Variants in CCDC149 observed in about 807,000 individuals in gnomAD.
CCDC149 encodes coiled-coil domain containing 149.
CCDC149 carries 45 observed loss-of-function variants against 59.9 expected under a neutral mutation model. The observed-to-expected ratio is 0.75, with a 90% confidence interval of 0.59 to 0.96. CCDC149 has a LOEUF of 0.96. Among genes scored for constraint, CCDC149 ranks in the 40% least tolerant of loss-of-function variants. CCDC149 has a pLI of 0.00. For synonymous variants in CCDC149, 245 were observed against 260.6 expected, an observed-to-expected ratio of 0.94 and a Z score of 0.58; for missense variants, 584 against 664.7, an observed-to-expected ratio of 0.88 and a Z score of 1.33.
rs556639844 is a variant in CCDC149 at position 24,837,957 on chromosome 4, G to A, written c.489+199C>T. 6.4e-4 allele frequency among the ~76,000 whole-genome samples: 97 copies of A among 152,342 alleles called. 1 individual carries two copies. The South Asian group carries it at 0.02, about 31-fold the overall frequency. ...TTCAGAACAATGGTACCCAATAGCA[G>A]GGAGCAGACCTGCCTGCTGGAGGCC... On this transcript the variant is annotated intron_variant, in intron 5 of 12. Transcript: ENST00000635206. The surrounding 1 kb of genome is among the most constrained non-coding windows in gnomAD (Gnocchi z 4.3).
At chr4:24,973,467 G>A (rs1424519142) in intron 1 of CCDC149, among the ~76,000 whole-genome samples, 1 of 152,138 alleles carries the variant, frequency 6.6e-6, no homozygotes, top group Non-Finnish European at 1.5e-5. Context: ...TCAATAAAGT[G>A]CATTTAAAAA....
chr4:24,850,276 C>T (rs1050415056), intron 4 of CCDC149, among the ~76,000 whole-genome samples: 3 of 152,116 alleles, frequency 2.0e-5, no homozygotes, highest in African/African-American at 4.8e-5. Context: ...ACTAAGAATG[C>T]TAATTTATAG....
chr4:24,927,650 G>A (rs1290070099), intron 1 of CCDC149, among the ~76,000 whole-genome samples: 1 of 151,980 alleles, frequency 6.6e-6, no homozygotes, highest in Non-Finnish European at 1.5e-5. Flanking sequence ...AGTTTTCTAG[G>A]AACTACTCGT....
intron 4 of CCDC149, among the ~76,000 whole-genome samples, chr4:24,848,150 A>T: frequency 6.6e-6 from 1 of 152,022 alleles, no homozygotes; most frequent in Non-Finnish European, 1.5e-5. Context: ...AGAGATACAA[A>T]TCCTTCCTTT....
intron 1 of CCDC149, among the ~76,000 whole-genome samples, chr4:24,900,316 C>T (rs555778499): frequency 6.6e-6 from 1 of 152,328 alleles, no homozygotes; most frequent in East Asian, 1.9e-4. Context: ...TCACATCAAC[C>T]AGCCAACCCA....
chr4:24,970,038 C>G (rs187559166), intron 1 of CCDC149, among the ~76,000 whole-genome samples: 1 of 152,170 alleles, frequency 6.6e-6, no homozygotes, highest in Non-Finnish European at 1.5e-5. Context: ...TCAAAGGAAC[C>G]GTGGGGAGCT....
intron 12 of CCDC149, among the ~76,000 whole-genome samples, chr4:24,813,502 A>ATATATATATC (rs1714786065): frequency 8.0e-5 from 3 of 37,314 alleles, no homozygotes; most frequent in African/African-American, 3.2e-4. Context: ...ATATATATAT[A>ATATATATATC]TATATATATA....
chr4:24,820,455 T>C (rs1253841299), intron 11 of CCDC149, among the ~76,000 whole-genome samples: 1 of 152,154 alleles, frequency 6.6e-6, no homozygotes, highest in Non-Finnish European at 1.5e-5. Context: ...ACTGGAACTC[T>C]GCAACTGGAG....
intron 9 of CCDC149, among the ~76,000 whole-genome samples, chr4:24,825,803 A>C (rs1180187727): frequency 6.6e-6 from 1 of 152,076 alleles, no homozygotes; most frequent in Non-Finnish European, 1.5e-5. Context: ...ATGCTTATTA[A>C]AACTGTAGAG....
At chr4:24,875,815 G>A (rs552446203) in intron 2 of CCDC149, among the ~76,000 whole-genome samples, 3 of 152,084 alleles carry the variant, frequency 2.0e-5, no homozygotes, top group Non-Finnish European at 4.4e-5. Flanking sequence ...CTGTATTACT[G>A]TAGACTTATG....
chr4:24,831,566 G>C lies in CCDC149; in HGVS notation c.905C>G (p.Ala302Gly). 2.5e-6 allele frequency: 4 copies of C among 1,614,042 alleles called. No individual in the cohort carries two copies. The highest frequency in any genetic ancestry group is 3.4e-6 in the Non-Finnish European group (4 of 1,179,974). ...TTTCTCGTGGATTGTTTCCAACAGG[G>C]CTGTTGCCAGAGATTTCAGGTCAGA... The change falls in exon 9 of 13, where the codon GCC becomes GGC. Residue 302 changes from alanine to glycine, a missense_variant. Coordinates refer to ENST00000635206, the MANE Select transcript of CCDC149 (RefSeq NM_001330643.2).
intron 1 of CCDC149, among the ~76,000 whole-genome samples, chr4:24,936,787 G>A (rs1722794513): frequency 6.6e-6 from 1 of 152,174 alleles, no homozygotes; most frequent in Non-Finnish European, 1.5e-5. Flanking sequence ...GGGAAAGGTT[G>A]GCAGCTTGAC....
At chr4:24,948,141 C>A (rs1723175132) in intron 1 of CCDC149, among the ~76,000 whole-genome samples, 1 of 152,150 alleles carries the variant, frequency 6.6e-6, no homozygotes. Flanking sequence ...CCTGAAAAAT[C>A]AGAAAGTGGT....
intron 1 of CCDC149, among the ~76,000 whole-genome samples, chr4:24,979,428 A>G (rs1341798592): frequency 6.6e-6 from 1 of 152,192 alleles, no homozygotes; most frequent in Non-Finnish European, 1.5e-5. Context: ...GAAAGAGAGA[A>G]GACATGGAGA....
intron 3 of CCDC149, among the ~76,000 whole-genome samples, chr4:24,869,853 T>C (rs2109229462): frequency 6.6e-6 from 1 of 152,342 alleles, no homozygotes; most frequent in Non-Finnish European, 1.5e-5. Context: ...TGGACATCAC[T>C]GCTAACTCCT....
intron 9 of CCDC149, 113 bp downstream of exon 9, chr4:24,831,393 G>A (rs993059471): frequency 1.0e-6 from 1 of 997,066 alleles, no homozygotes; most frequent in African/African-American, 1.6e-5. Flanking sequence ...CTTGATTTGA[G>A]GGGTCTCACC....
At chr4:24,955,388 C>T (rs1232432799) in intron 1 of CCDC149, among the ~76,000 whole-genome samples, 1 of 152,158 alleles carries the variant, frequency 6.6e-6, no homozygotes, top group East Asian at 1.9e-4. Context: ...GACCCTAACT[C>T]TTAATACTAT....
At chr4:24,881,976 A>C (rs1719867541) in intron 1 of CCDC149, among the ~76,000 whole-genome samples, 2 of 152,170 alleles carry the variant, frequency 1.3e-5, no homozygotes, top group Admixed American at 6.5e-5. Flanking sequence ...TGAAAAACTA[A>C]ACATTCTGTG....
rs1560197749 is a variant in CCDC149, at chr4:24,813,528, A to AT, written c.1193-4710_1193-4709insA. Among the ~76,000 whole-genome samples the AT allele has an allele frequency of 2.0e-3, 260 of 129,836 alleles. 6 individuals carry two copies. Among genetic ancestry groups the AT allele is most frequent in the African/African-American group, 6.4e-3 (233 of 36,218 alleles). 85.2% of individuals were successfully genotyped at this position (129,836 alleles called of 152,430 possible). A position where few individuals can be genotyped will look rare whatever the true frequency, so the allele number is the denominator to read the frequency against. Reference sequence around the variant, plus strand: ...TATATATATATATATATATATATATAAAACCTAAAAAGGAAATATAATCTA... The same window carrying AT: ...TATATATATATATATATATATATATATAAACCTAAAAAGGAAATATAATCTA... On this transcript the variant is annotated intron_variant, in intron 12 of 12. Transcript: ENST00000635206.
Sources: gnomAD v4.1 joint callset for allele counts (sites outside exome capture counted in the v4.1 genomes callset) on GRCh38, gnomAD v4.1.1 for gene constraint, Gnocchi (gnomAD v3.1) non-coding constraint, MANE v1.5 for transcripts, NCBI Gene and HGNC (gene_info 2026-07-23, HGNC 2026-07-21) for gene names.